ELP4: variants seen among roughly 807,000 people sequenced by gnomAD.
ELP4 encodes elongator complex protein 4.
In ELP4, 51 loss-of-function variants were observed where a neutral mutation model predicts 48.9. That is an observed-to-expected ratio of 1.04 (90% confidence interval 0.83 to 1.32). The LOEUF is 1.32. ELP4 is among the 40% of genes most tolerant of loss of function. ELP4 has a pLI of 0.00. For missense variants in ELP4, 519 were observed against 514.6 expected, an observed-to-expected ratio of 1.01 and a Z score of -0.08; for synonymous variants, 210 against 189.2, an observed-to-expected ratio of 1.11 and a Z score of -0.90.
chr11:31,640,220 A>C (rs1945064163), intron 7 of ELP4, among the ~76,000 whole-genome samples: 1 of 151,996 alleles, frequency 6.6e-6, no homozygotes, highest in Non-Finnish European at 1.5e-5. Context: ...TGTATAGAAA[A>C]CAAGTACAAC....
chr11:31,693,157 T>TTTATTATTA (rs377241285), intron 9 of ELP4, among the ~76,000 whole-genome samples: 2 of 151,688 alleles, frequency 1.3e-5, no homozygotes, highest in Admixed American at 1.3e-4. Context: ...AACTCGTTTT[T>TTTATTATTA]TTATTATTAT....
chr11:31,546,575 A>G (rs1011511826), intron 3 of ELP4, among the ~76,000 whole-genome samples: 1 of 152,176 alleles, frequency 6.6e-6, no homozygotes, highest in Admixed American at 6.5e-5. Context: ...AGACAGATCA[A>G]CGAGACAGAA....
chr11:31,602,049 G>T (rs1024929240), intron 4 of ELP4, among the ~76,000 whole-genome samples: 2 of 151,958 alleles, frequency 1.3e-5, no homozygotes, highest in African/African-American at 2.4e-5. Flanking sequence ...GAAACTTCTG[G>T]TTTTTTCTTT....
At chr11:31,672,552 G>A (rs190245163) in intron 9 of ELP4, among the ~76,000 whole-genome samples, 195 of 152,322 alleles carry the variant, frequency 1.3e-3, no homozygotes, top group African/African-American at 4.6e-3. Context: ...CACTTTGGGA[G>A]GCTAAGGCGT....
chr11:31,530,125 AC>A (rs1037600219), intron 2 of ELP4, among the ~76,000 whole-genome samples: 1 of 152,118 alleles, frequency 6.6e-6, no homozygotes, highest in Non-Finnish European at 1.5e-5. Flanking sequence ...TCCACTTAAC[AC>A]CGCCTTACTA....
chr11:31,751,731 A>G (rs1039709142), intron 9 of ELP4, among the ~76,000 whole-genome samples: 2 of 152,288 alleles, frequency 1.3e-5, no homozygotes, highest in South Asian at 2.1e-4. Context: ...TCTAAAACTT[A>G]ATTAATCGCC....
chr11:31,690,903 T>C (rs1946266570), intron 9 of ELP4, among the ~76,000 whole-genome samples: 1 of 151,768 alleles, frequency 6.6e-6, no homozygotes, highest in Non-Finnish European at 1.5e-5. Flanking sequence ...CTTCTTAATT[T>C]TCAGTCAGTT....
chr11:31,514,303 A>G (rs1956066503), intron 1 of ELP4, among the ~76,000 whole-genome samples: 1 of 152,116 alleles, frequency 6.6e-6, no homozygotes, highest in Non-Finnish European at 1.5e-5. Context: ...TTCAGAAAAT[A>G]CAAAAATCAC....
intron 9 of ELP4, among the ~76,000 whole-genome samples, chr11:31,770,769 T>G (rs1457938621): frequency 7.1e-6 from 1 of 141,624 alleles, no homozygotes; most frequent in Non-Finnish European, 1.5e-5. Context: ...ATAGATGTGT[T>G]AGCACATGCC....
At chr11:31,746,311 AT>A (rs1947589353) in intron 9 of ELP4, among the ~76,000 whole-genome samples, 1 of 152,230 alleles carries the variant, frequency 6.6e-6, no homozygotes, top group South Asian at 2.1e-4. Flanking sequence ...TAGTTCAACC[AT>A]TGTGGAAGTC....
intron 9 of ELP4, among the ~76,000 whole-genome samples, chr11:31,771,280 C>T (rs1948136608): frequency 6.6e-6 from 1 of 152,158 alleles, no homozygotes; most frequent in Non-Finnish European, 1.5e-5. Flanking sequence ...GATCTAATAG[C>T]CAGTATATAC....
intron 9 of ELP4, among the ~76,000 whole-genome samples, chr11:31,765,176 G>A (rs1414810754): frequency 6.6e-6 from 1 of 152,098 alleles, no homozygotes; most frequent in African/African-American, 2.4e-5. Context: ...GAAATACTCT[G>A]TTATGGTAAT....
chr11:31,543,186 G>C (rs1956620952), intron 3 of ELP4, among the ~76,000 whole-genome samples: 1 of 152,214 alleles, frequency 6.6e-6, no homozygotes, highest in African/African-American at 2.4e-5. Context: ...ATTGGACTCT[G>C]TGAAGGGAGA....
intron 3 of ELP4, among the ~76,000 whole-genome samples, chr11:31,564,813 A>G (rs924587773): frequency 2.0e-5 from 3 of 152,138 alleles, no homozygotes; most frequent in African/African-American, 4.8e-5. Flanking sequence ...AGTCTTTGCT[A>G]TTGTGAATAG....
At chr11:31,587,161 C>A (rs909546620) in intron 3 of ELP4, among the ~76,000 whole-genome samples, 7 of 152,118 alleles carry the variant, frequency 4.6e-5, no homozygotes, top group Non-Finnish European at 1.0e-4. Context: ...TTACTCTGTT[C>A]ACTGCTCTAT....
At chr11:31,655,948 T>G (rs1945424490) in intron 9 of ELP4, among the ~76,000 whole-genome samples, 1 of 152,062 alleles carries the variant, frequency 6.6e-6, no homozygotes, top group South Asian at 2.1e-4. Context: ...TTATATAAAT[T>G]TGTCTTTATA....
intron 3 of ELP4, among the ~76,000 whole-genome samples, chr11:31,541,179 CCTTAGTATAAAAG>C (rs1468051472): frequency 6.6e-6 from 1 of 152,102 alleles, no homozygotes. Context: ...AACTTCTTTG[CCTTAGTATAAAAG>C]TCACTATAAT....
At chr11:31,611,415 C>T (rs1036405542) in intron 5 of ELP4, among the ~76,000 whole-genome samples, 4 of 152,246 alleles carry the variant, frequency 2.6e-5, no homozygotes, top group African/African-American at 7.2e-5. Context: ...TCAAACTCTC[C>T]AATGATTCCC....
chr11:31,747,212 A>C (rs568056159), intron 9 of ELP4, among the ~76,000 whole-genome samples: 14 of 152,310 alleles, frequency 9.2e-5, no homozygotes, highest in African/African-American at 3.1e-4. Flanking sequence ...TTCTAATGCA[A>C]AACAGACAGT....
Sources: allele counts gnomAD v4.1 joint callset (sites outside exome capture counted in the v4.1 genomes callset), GRCh38; gene constraint gnomAD v4.1.1; transcripts MANE v1.5; gene names NCBI Gene and HGNC (gene_info 2026-07-23, HGNC 2026-07-21).